YIPF7: variants seen among roughly 807,000 people sequenced by gnomAD.
YIPF7 encodes the protein protein YIPF7.
YIPF7 carries 35 observed loss-of-function variants against 27.2 expected under a neutral mutation model. The ratio of observed to expected loss-of-function variants is 1.29; its 90% CI spans 0.98 to 1.70. The LOEUF is 1.70. Among genes scored for constraint, YIPF7 ranks in the 40% most tolerant of loss-of-function variants. The pLI, the probability that YIPF7 is intolerant of heterozygous loss-of-function variation, is 0.00. For synonymous variants in YIPF7, 137 were observed against 110.4 expected, an observed-to-expected ratio of 1.24 and a Z score of -1.51; for missense variants, 358 against 303.7, an observed-to-expected ratio of 1.18 and a Z score of -1.33.
intron 2 of YIPF7, among the ~76,000 whole-genome samples, chr4:44,649,699 A>C (rs953263353): frequency 2.6e-5 from 4 of 152,052 alleles, no homozygotes; most frequent in Non-Finnish European, 2.9e-5. Context: ...AATCGCTTGA[A>C]CCCAGGAGGC....
At position 44,651,618 on chromosome 4, in the gene YIPF7, A is replaced by C. The variant is rs760922933; in HGVS notation, c.-66T>G. 6.3e-7 allele frequency: 1 copy of C among 1,584,240 alleles called. No individual in the cohort carries two copies. The highest frequency in any genetic ancestry group is 1.2e-5 in the South Asian group (1 of 86,916). ...AGCTTTGTGTGAGAAATTTTAAGCA[A>C]ATCCATTGGTGAAAAGATGACATGC... On this transcript the variant is annotated 5_prime_UTR_variant, in exon 1 of 6. It adds an upstream start codon to the 5' untranslated region. Coordinates refer to ENST00000415895, the MANE Select transcript of YIPF7 (RefSeq NM_182592.3).
Position 44,624,668 on chromosome 4 carries a change from T to C in YIPF7, c.541A>G (p.Ser181Gly). 1 of 1,606,842 alleles carries C rather than the reference T, an allele frequency of 6.2e-7. No individual in the cohort carries two copies. ...SSGVSYGCVA[S>G]VLGYCLLPMV... ...GGGAGCAGGCAGTAACCCAGCACGC[T>C]GGCCACACAGCCGTACGACACCCCT... Residue 181 changes from serine to glycine, a missense_variant, in exon 5 of 6, where the codon AGC becomes GGC. Transcript: ENST00000415895.
chr4:44,631,383 T>C lies in YIPF7; in HGVS notation c.281-1835A>G, dbSNP rs138082026. ...TCAGATACAGGGGTATAGCTCAACTTATTTTACAGAGGCACGTATCATCTA... is the reference window on the plus strand; with the variant it reads ...TCAGATACAGGGGTATAGCTCAACTCATTTTACAGAGGCACGTATCATCTA... On this transcript the variant is annotated intron_variant, in intron 3 of 5. Transcript: ENST00000415895. Among the ~76,000 whole-genome samples the C allele has an allele frequency of 6.3e-3, 962 of 152,274 alleles. 12 individuals are homozygous for C. The highest frequency in any genetic ancestry group is 0.022 in the African/African-American group (894 of 41,564).
At chr4:44,629,796 A>G (rs746464260) in intron 3 of YIPF7, among the ~76,000 whole-genome samples, 34 of 152,218 alleles carry the variant, frequency 2.2e-4, no homozygotes, top group Non-Finnish European at 4.4e-4. Flanking sequence ...AAATAAATAT[A>G]TTAGAGAAAC....
chr4:44,636,947 C>T (rs576164928), intron 2 of YIPF7, among the ~76,000 whole-genome samples: 160 of 152,296 alleles, frequency 1.1e-3, no homozygotes, highest in African/African-American at 3.7e-3. Flanking sequence ...TGATTCTACT[C>T]TCTACTTCCA....
chr4:44,646,640 G>A (rs1040476496), intron 2 of YIPF7, among the ~76,000 whole-genome samples: 2 of 152,096 alleles, frequency 1.3e-5, no homozygotes, highest in African/African-American at 4.8e-5. Context: ...TTTTTAAAAA[G>A]ATAATGATCC....
chr4:44,622,573 G>A lies in YIPF7; in HGVS notation c.612C>T (p.Gly204=). ...CCAGGGATGACATGATTCCAAAGAT[G>A]CCCCTGCAGCAAAGACAAAGAAATG... ...SGCAMFFSLQ[G]IFGIMSSLVI... is the part of the protein sequence containing the mutation. Residue 204 remains glycine (G), a synonymous_variant, in exon 6 of 6, where the codon GGC becomes GGT. Transcript: ENST00000415895. 6.2e-7 allele frequency: 1 copy of A among 1,612,504 alleles called. No homozygotes were observed. Among genetic ancestry groups the A allele is most frequent in the Non-Finnish European group, 8.5e-7 (1 of 1,179,426 alleles).
chr4:44,640,833 G>A (rs1026182655), intron 2 of YIPF7, among the ~76,000 whole-genome samples: 6 of 151,920 alleles, frequency 3.9e-5, no homozygotes, highest in African/African-American at 1.2e-4. Flanking sequence ...TTCACACCCC[G>A]GTTCTGCAAA....
Position 44,624,700 on chromosome 4 carries a change from C to T in YIPF7, c.509G>A (p.Ser170Asn), listed in dbSNP as rs1191046971. The change falls in exon 5 of 6, where the codon AGC becomes AAC. Residue 170 changes from serine to asparagine, a missense_variant. By Grantham distance (46) the Ser-to-Asn change is conservative. Coordinates refer to ENST00000415895, the MANE Select transcript of YIPF7 (RefSeq NM_182592.3). The part of the protein sequence containing the change: ...LVIHALLNLM[S>N]SSGVSYGCVA... The stretch of plus-strand genomic sequence containing the variant: ...ACAGCCGTACGACACCCCTGAAGAG[C>T]TCATCAGGTTCAGCAAGGCATGAAT... 1 of 1,610,436 alleles carries T rather than the reference C, an allele frequency of 6.2e-7. No individual in the cohort carries two copies.
chr4:44,630,824 C>A (rs376337861), intron 3 of YIPF7, among the ~76,000 whole-genome samples: 1 of 152,090 alleles, frequency 6.6e-6, no homozygotes, highest in African/African-American at 2.4e-5. Flanking sequence ...CTTTTCTCAC[C>A]GCTTCTGTAG....
intron 1 of YIPF7, 128 bp from the exon 2 acceptor site, chr4:44,650,229 T>C: frequency 1.4e-6 from 1 of 690,584 alleles, no homozygotes; most frequent in Middle Eastern, 3.9e-4. Flanking sequence ...GTCCTTTGAA[T>C]GGGGTCAATA....
At chr4:44,624,918 T>A in intron 4 of YIPF7, 136 bp from the exon 5 acceptor site, 1 of 742,040 alleles carries the variant, frequency 1.3e-6, no homozygotes. Flanking sequence ...ATCAGGAGAC[T>A]GGAAGTTCTG....
chr4:44,622,600 T>C (rs778957035), intron 5 of YIPF7, 24 bp from the exon 6 acceptor site: 1 of 1,611,094 alleles, frequency 6.2e-7, no homozygotes, highest in South Asian at 1.1e-5. Context: ...AAAGAAATGA[T>C]TGCCTGTGCC....
At chr4:44,630,679 C>T (rs1292187094) in intron 3 of YIPF7, among the ~76,000 whole-genome samples, 2 of 152,140 alleles carry the variant, frequency 1.3e-5, no homozygotes, top group African/African-American at 4.8e-5. Context: ...CTCCAATTCC[C>T]ATTTTTAAAA....
At chr4:44,628,339 T>C (rs1400557575) in intron 4 of YIPF7, among the ~76,000 whole-genome samples, 2 of 152,274 alleles carry the variant, frequency 1.3e-5, no homozygotes, top group South Asian at 2.1e-4. Context: ...ATTGATTATA[T>C]ACAATAATTG....
chr4:44,642,917 G>T (rs1713381640), intron 2 of YIPF7, among the ~76,000 whole-genome samples: 1 of 152,082 alleles, frequency 6.6e-6, no homozygotes, highest in African/African-American at 2.4e-5. Flanking sequence ...TCCAGTCTCA[G>T]GTATTCCTTT....
chr4:44,635,196 A>T (rs1171635841), intron 3 of YIPF7, among the ~76,000 whole-genome samples: 1 of 152,034 alleles, frequency 6.6e-6, no homozygotes, highest in East Asian at 1.9e-4. Context: ...ATTTAAATCC[A>T]CTTGGGTTTT....
chr4:44,625,803 A>T (rs1209795693), intron 4 of YIPF7, among the ~76,000 whole-genome samples: 2 of 152,212 alleles, frequency 1.3e-5, no homozygotes. Context: ...AATGTTTGCT[A>T]TCTGAGAATA....
intron 2 of YIPF7, among the ~76,000 whole-genome samples, chr4:44,660,129 A>AAAAAAAAAAAAAAAAAG (rs1714007949): frequency 6.8e-6 from 1 of 147,074 alleles, no homozygotes; most frequent in African/African-American, 2.5e-5. Context: ...AAAAAAAAAA[A>AAAAAAAAAAAAAAAAAG]AAAAAAACGA....
Sources: gnomAD v4.1 joint callset for allele counts (sites outside exome capture counted in the v4.1 genomes callset) on GRCh38, gnomAD v4.1.1 for gene constraint, MANE v1.5 for transcripts, NCBI Gene and HGNC (gene_info 2026-07-23, HGNC 2026-07-21) for gene names.